SVEP1: variants seen among roughly 807,000 people sequenced by gnomAD.
SVEP1 encodes sushi, von Willebrand factor type A, EGF and pentraxin domain containing 1, also known as sushi, von Willebrand factor type A, EGF and pentraxin domain-containing protein 1.
A neutral mutation model predicts 367.3 loss-of-function variants in SVEP1; 164 were observed. The observed-to-expected ratio is 0.45, with a 90% CI of 0.39 to 0.51. The LOEUF (loss-of-function observed/expected upper bound fraction) is 0.51. Among genes scored for constraint, SVEP1 ranks in the 20% least tolerant of loss-of-function variants. SVEP1 has a pLI of 0.00. For missense variants in SVEP1, 4,117 were observed against 4,425.3 expected (o/e 0.93, Z 1.98); for synonymous variants, 1,666 against 1,611.6 (o/e 1.03, Z -0.81).
intron 43 of SVEP1, 116 bp from the exon 44 acceptor site, chr9:110,379,633 C>A: frequency 9.7e-7 from 1 of 1,032,810 alleles, no homozygotes; most frequent in South Asian, 1.6e-5. Context: ...GAAACATTTT[C>A]ACCTACTTAT....
chr9:110,498,469 A>G (rs1829485105), intron 7 of SVEP1, among the ~76,000 whole-genome samples: 1 of 152,174 alleles, frequency 6.6e-6, no homozygotes, highest in African/African-American at 2.4e-5. Flanking sequence ...TTGTTTACTC[A>G]TTCAGTTCTC....
chr9:110,566,841 G>A (rs1170204753), intron 1 of SVEP1, among the ~76,000 whole-genome samples: 1 of 152,180 alleles, frequency 6.6e-6, no homozygotes, highest in African/African-American at 2.4e-5. Flanking sequence ...AGAACTCACT[G>A]GATGAGCTTC....
chr9:110,481,010 G>T (rs1397514883), intron 12 of SVEP1, among the ~76,000 whole-genome samples: 1 of 152,182 alleles, frequency 6.6e-6, no homozygotes, highest in African/African-American at 2.4e-5. Flanking sequence ...AGAGGGCTCA[G>T]ATGGTTCTGC....
At chr9:110,516,372 T>C (rs1376926511) in intron 3 of SVEP1, among the ~76,000 whole-genome samples, 2 of 151,878 alleles carry the variant, frequency 1.3e-5, no homozygotes, top group African/African-American at 4.8e-5. Context: ...TCATGATATA[T>C]AGTAGCAAAT....
In SVEP1 at chr9:110,407,584, T is replaced by C. The variant is rs574720862; in HGVS notation, c.8016A>G (p.Ser2672=). 1.4e-5 allele frequency: 22 copies of C among 1,613,982 alleles called. No individual in the cohort carries two copies. In the East Asian group the frequency reaches 2.2e-4, roughly 16 times the overall value. Residue 2672 remains serine (S), a synonymous_variant, in exon 38 of 48, where the codon TCA becomes TCG. Transcript: ENST00000374469. Reference sequence around the variant, plus strand: ...CCATGGTACCATACAGAAAGTTTGATGAATGTGTAGCAGGAGACTCCTTTG... The same window carrying C: ...CCATGGTACCATACAGAAAGTTTGACGAATGTGTAGCAGGAGACTCCTTTG... The part of the protein sequence containing the change: ...ENTKESPATH[S]SNFLYGTMVS...
intron 8 of SVEP1, among the ~76,000 whole-genome samples, chr9:110,493,734 C>T (rs186852590): frequency 2.0e-5 from 3 of 152,056 alleles, no homozygotes; most frequent in Admixed American, 1.3e-4. Flanking sequence ...CTGTCTCAAA[C>T]AAACAAACAA....
intron 18 of SVEP1, among the ~76,000 whole-genome samples, chr9:110,460,546 A>T (rs1828842633): frequency 6.6e-6 from 1 of 152,190 alleles, no homozygotes; most frequent in African/African-American, 2.4e-5. Flanking sequence ...TGAGGTCAGG[A>T]GTTCCAGACT....
At chr9:110,382,313 G>T (rs1827450924) in intron 43 of SVEP1, among the ~76,000 whole-genome samples, 1 of 152,094 alleles carries the variant, frequency 6.6e-6, no homozygotes, top group African/African-American at 2.4e-5. Context: ...GTCTGAAAAG[G>T]ATTTTATTTC....
rs756750231 is a variant in SVEP1 at position 110,457,236 on chromosome 9, C to A, written c.3673+20G>T. 2 of 1,542,384 alleles carry A rather than the reference C, an allele frequency of 1.3e-6. No homozygotes were observed. Among genetic ancestry groups the A allele is most frequent in the South Asian group, 2.4e-5 (2 of 83,620 alleles). ...TTCATATAAAATATATTAAAATCTACATTCCTCTTGGTTATTTACCTGTAT... is the reference window on the plus strand; with the variant it reads ...TTCATATAAAATATATTAAAATCTAAATTCCTCTTGGTTATTTACCTGTAT... On this transcript the variant is annotated intron_variant, in intron 21 of 47. Coordinates refer to ENST00000374469, the MANE Select transcript of SVEP1 (RefSeq NM_153366.4).
At chr9:110,507,463 A>T (rs1462050023) in intron 5 of SVEP1, among the ~76,000 whole-genome samples, 1 of 152,242 alleles carries the variant, frequency 6.6e-6, no homozygotes, top group Non-Finnish European at 1.5e-5. Flanking sequence ...GCAGAGCATA[A>T]GTATTGTGTG....
At chr9:110,537,920 T>G (rs1213449769) in intron 3 of SVEP1, among the ~76,000 whole-genome samples, 1 of 151,860 alleles carries the variant, frequency 6.6e-6, no homozygotes, top group African/African-American at 2.4e-5. Flanking sequence ...GTTTTCCCTT[T>G]GTTCACGTAT....
chr9:110,571,389 G>C (rs1021357186), intron 1 of SVEP1, among the ~76,000 whole-genome samples: 3 of 152,188 alleles, frequency 2.0e-5, no homozygotes, highest in Non-Finnish European at 4.4e-5. Context: ...GACTGCCACA[G>C]AGTCTCCTTA....
rs771835824 is a variant in SVEP1 at position 110,379,400 on chromosome 9, A to C, written c.10355T>G (p.Leu3452Arg). 11 of 1,613,730 alleles carry C rather than the reference A, an allele frequency of 6.8e-6. No homozygotes were observed. The highest frequency in any genetic ancestry group is 8.5e-7 in the Non-Finnish European group (1 of 1,179,806). Residue 3452 changes from leucine to arginine, a missense_variant, in exon 44 of 48, where the codon CTG becomes CGG. Transcript: ENST00000374469. ...TCCATTTTCTAAACAAACACTCCTC[A>C]GGAAACCCTCCAACATGTATCCACT... is the stretch of plus-strand genomic sequence containing the variant. ...CYSGYMLEGF[L>R]RSVCLENGTW...
At chr9:110,530,741 T>C (rs897247408) in intron 3 of SVEP1, among the ~76,000 whole-genome samples, 1 of 152,098 alleles carries the variant, frequency 6.6e-6, no homozygotes, top group Non-Finnish European at 1.5e-5. Flanking sequence ...CTCACCATGT[T>C]GCCCAGGCTG....
At chr9:110,451,428 C>A (rs769277976) in intron 22 of SVEP1, 26 bp from the exon 23 acceptor site, 2 of 1,584,362 alleles carry the variant, frequency 1.3e-6, no homozygotes, top group Non-Finnish European at 1.7e-6. Context: ...CATCTTTGAG[C>A]TGGAGAAAAC....
chr9:110,437,506 C>T (rs768306279), intron 27 of SVEP1, among the ~76,000 whole-genome samples: 12 of 152,344 alleles, frequency 7.9e-5, no homozygotes, highest in African/African-American at 1.4e-4. Context: ...GATTACACTA[C>T]GCTTGATTTC....
Position 110,366,282 on chromosome 9 carries a change from G to A in SVEP1, c.*257C>T, listed in dbSNP as rs1588013767. On this transcript the variant is annotated 3_prime_UTR_variant, in exon 48 of 48. Coordinates refer to ENST00000374469, the MANE Select transcript of SVEP1 (RefSeq NM_153366.4). Reference sequence around the variant, plus strand: ...AGACAGCAGAATATGTACATTTTGTGAGGGTAGAGCAGCATCTATTTAATA... The same window carrying A: ...AGACAGCAGAATATGTACATTTTGTAAGGGTAGAGCAGCATCTATTTAATA... The A allele has an allele frequency of 3.4e-6, 1 of 295,098 alleles. No individual in the cohort carries two copies. Among genetic ancestry groups the A allele is most frequent in the Non-Finnish European group, 5.7e-6 (1 of 174,322 alleles). 18.3% of individuals were successfully genotyped at this position (295,098 alleles called of 1,614,324 possible). A position where few individuals can be genotyped will look rare whatever the true frequency, so the allele number is the denominator to read the frequency against.
In SVEP1 at chr9:110,406,426, G is replaced by A. The variant is rs527254525; in HGVS notation, c.9174C>T (p.His3058=). The A allele has an allele frequency of 2.7e-5, 44 of 1,614,070 alleles. No homozygotes were observed. In the African/African-American group the frequency reaches 3.5e-4, roughly 13 times the overall value. The change falls in exon 38 of 48, where the codon CAC becomes CAT. Residue 3058 remains histidine, a synonymous_variant. Transcript: ENST00000374469. The stretch of plus-strand genomic sequence containing the variant: ...GAGAACCACAAGAAGTGTGTTCACA[G>A]TGGGGGAACCCAGAGCTCCACTGGC... ...ADGQWSSGFP[H]CEHTSCGSLP... is the part of the protein sequence containing the mutation.
At chr9:110,446,788 C>T (rs185166028) in intron 25 of SVEP1, 112 bp downstream of exon 25, 9 of 898,218 alleles carry the variant, frequency 1.0e-5, no homozygotes, top group Admixed American at 3.8e-5. Context: ...GTACAAAGTG[C>T]TTGGCATCGT....
Sources: allele counts gnomAD v4.1 joint callset (sites outside exome capture counted in the v4.1 genomes callset), GRCh38; gene constraint gnomAD v4.1.1; transcripts MANE v1.5; gene names NCBI Gene and HGNC (gene_info 2026-07-23, HGNC 2026-07-21).